The following USP2 variants were observed in gnomAD, a reference collection of about 807,000 sequenced individuals.
The protein encoded by USP2 is ubiquitin specific peptidase 2.
USP2 carries 33 observed loss-of-function variants against 72.0 expected under a neutral mutation model. The ratio of observed to expected loss-of-function variants is 0.46; its 90% CI spans 0.35 to 0.61. The LOEUF (loss-of-function observed/expected upper bound fraction) is 0.61, where lower values mean the gene tolerates loss of function less well. USP2 is among the 20% of genes least tolerant of loss of function. USP2 has a pLI of 0.01. For synonymous variants in USP2, 296 were observed against 312.5 expected, an observed-to-expected ratio of 0.95 and a Z score of 0.56; for missense variants, 691 against 797.8, an observed-to-expected ratio of 0.87 and a Z score of 1.61.
At chr11:119,362,649 A>G (rs1175961380) in intron 2 of USP2, among the ~76,000 whole-genome samples, 1 of 152,212 alleles carries the variant, frequency 6.6e-6, no homozygotes, top group Non-Finnish European at 1.5e-5. Flanking sequence ...ATGTCCCCAG[A>G]GTGACCTTTC....
In USP2 at chr11:119,358,209, A is replaced by G. The variant is rs776007280; in HGVS notation, c.1281T>C (p.Asp427=). 2 of 1,613,890 alleles carry G rather than the reference A, an allele frequency of 1.2e-6. No homozygotes were observed. Among genetic ancestry groups the G allele is most frequent in the Middle Eastern group, 1.7e-4 (1 of 5,818 alleles). ...GQLKSSLTCT[D]CGYCSTVFDP... is the part of the protein sequence containing the mutation. ...CGAAGACCGTAGAACAGTAACCACA[A>G]TCTGTACACGTCAGCGAGCTCTTTA... Residue 427 remains aspartate, a synonymous_variant, in exon 8 of 13, where the codon GAT becomes GAC. Transcript: ENST00000260187.
chr11:119,370,971 A>T (rs1950918352), intron 2 of USP2, among the ~76,000 whole-genome samples: 1 of 152,168 alleles, frequency 6.6e-6, no homozygotes, highest in Non-Finnish European at 1.5e-5. Flanking sequence ...TCTGATCCCC[A>T]GTAAAGGGGA....
intron 1 of USP2, among the ~76,000 whole-genome samples, chr11:119,381,185 C>T (rs1488605392): frequency 2.6e-5 from 4 of 152,048 alleles, no homozygotes. Context: ...GCTCAGGCCA[C>T]ATACCACCGA....
At chr11:119,366,487 T>G (rs572210954) in intron 2 of USP2, among the ~76,000 whole-genome samples, 28 of 152,358 alleles carry the variant, frequency 1.8e-4, no homozygotes, top group African/African-American at 6.3e-4. Flanking sequence ...TGTTAATCTA[T>G]CTTAATATGT....
chr11:119,358,930 C>T, intron 6 of USP2, 93 bp from the exon 7 acceptor site: 1 of 1,589,408 alleles, frequency 6.3e-7, no homozygotes, highest in Non-Finnish European at 8.6e-7. Context: ...AAAAGTAAAT[C>T]AGATTATTCC....
intron 1 of USP2, among the ~76,000 whole-genome samples, chr11:119,375,171 C>T (rs1387303916): frequency 6.6e-6 from 1 of 152,242 alleles, no homozygotes; most frequent in Non-Finnish European, 1.5e-5. Flanking sequence ...TCAGCAGACA[C>T]TGGCTTGGCA....
intron 12 of USP2, 119 bp from the exon 13 acceptor site, chr11:119,357,041 C>A: frequency 1.5e-6 from 2 of 1,376,650 alleles, no homozygotes; most frequent in Non-Finnish European, 9.8e-7. Context: ...CCACGGGCAG[C>A]GGCTTCGTGG....
At chr11:119,365,883 T>C (rs1008663895) in intron 2 of USP2, among the ~76,000 whole-genome samples, 1 of 147,036 alleles carries the variant, frequency 6.8e-6, no homozygotes, top group African/African-American at 2.5e-5. Context: ...CTATTACCTC[T>C]ATTTTATTTG....
chr11:119,370,148 C>A (rs1225348963), intron 2 of USP2, among the ~76,000 whole-genome samples: 5 of 152,130 alleles, frequency 3.3e-5, no homozygotes, highest in Non-Finnish European at 7.3e-5. Context: ...GCACTCCAAC[C>A]TGAGTGAGAC....
chr11:119,357,238 G>A lies in USP2; in HGVS notation c.1679C>T (p.Ala560Val), dbSNP rs1360975051. 1 of 1,613,844 alleles carries A rather than the reference G, an allele frequency of 6.2e-7. No individual in the cohort carries two copies. The highest frequency in any genetic ancestry group is 8.5e-7 in the Non-Finnish European group (1 of 1,179,990). ...SGTTMGGHYT[A>V]YCRSPGTGEW... ...TCCTGTCCCTGGACTGCGACAGTAGGCTGTATAGTGGCCACCCATGGTGGT... is the reference window on the plus strand; with the variant it reads ...TCCTGTCCCTGGACTGCGACAGTAGACTGTATAGTGGCCACCCATGGTGGT... Residue 560 changes from alanine to valine, a missense_variant, in exon 12 of 13, where the codon GCC becomes GTC. Coordinates refer to ENST00000260187, the MANE Select transcript of USP2 (RefSeq NM_004205.5).
intron 12 of USP2, 71 bp downstream of exon 12, chr11:119,357,116 G>A: frequency 6.7e-7 from 1 of 1,498,136 alleles, no homozygotes; most frequent in South Asian, 1.2e-5. Context: ...GTGGGTTTGG[G>A]GGGAGGGTGG....
At chr11:119,377,038 TTAAA>T (rs1236913111) in intron 1 of USP2, among the ~76,000 whole-genome samples, 5 of 152,232 alleles carry the variant, frequency 3.3e-5, no homozygotes, top group Non-Finnish European at 7.3e-5. Context: ...TACAAGAAAT[TTAAA>T]TATGGAAACT....
rs1652024 is a variant in USP2 at position 119,371,846 on chromosome 11, C to G, written c.774+861G>C. Among the ~76,000 whole-genome samples the G allele has an allele frequency of 2.9e-4, 44 of 152,190 alleles. No homozygotes were observed. The South Asian group carries it at 6.4e-3, about 22-fold the overall frequency. On this transcript the variant is annotated intron_variant, in intron 2 of 12. Transcript: ENST00000260187. Reference sequence around the variant, plus strand: ...CACACATCCATCCATCCATTCATCCCTGCAATCAGCAGGTCAGCCCCCATT... The same window carrying G: ...CACACATCCATCCATCCATTCATCCGTGCAATCAGCAGGTCAGCCCCCATT...
intron 2 of USP2, among the ~76,000 whole-genome samples, chr11:119,363,398 T>C (rs909996123): frequency 2.6e-5 from 4 of 152,160 alleles, no homozygotes; most frequent in African/African-American, 4.8e-5. Flanking sequence ...TCACCAACCC[T>C]TGGGAAAGAG....
chr11:119,373,756 C>T (rs1950966475), intron 1 of USP2, among the ~76,000 whole-genome samples: 1 of 152,170 alleles, frequency 6.6e-6, no homozygotes, highest in African/African-American at 2.4e-5. Context: ...ATATGCCACA[C>T]AGGAAGTCAG....
rs1177271711 is a variant in USP2, at chr11:119,355,371, G to GT, written c.*1463dup. 6.6e-6 allele frequency: 1 copy of GT among 152,262 alleles called. No homozygotes were observed. Among genetic ancestry groups the GT allele is most frequent in the African/African-American group, 2.4e-5 (1 of 41,462 alleles). The allele number at this position is 152,262 out of a possible 1,614,324, so 9.4% of individuals were successfully genotyped here. A position where few individuals can be genotyped will look rare whatever the true frequency, so the allele number is the denominator to read the frequency against. ...GGGTGTCAGGCCAGTAAAACTCAGG[G>GT]TGTCTTTCTCTGATGCCTCCTCCTA... On this transcript the variant is annotated 3_prime_UTR_variant, in exon 13 of 13. Transcript: ENST00000260187.
In USP2 at chr11:119,372,826, G is replaced by A. The variant is rs201978255; in HGVS notation, c.655C>T (p.Arg219Ter). The A allele has an allele frequency of 3.7e-5, 60 of 1,607,722 alleles. No individual in the cohort carries two copies. The highest frequency in any genetic ancestry group is 6.7e-5 in the African/African-American group (5 of 74,804). The change falls in exon 2 of 13, where the codon CGA becomes TGA. Residue 219 changes from arginine (R) to a stop codon, truncating the protein, a stop_gained. Transcript: ENST00000260187. LOFTEE classifies it high-confidence loss of function. ...GTTGGGCTGATGATTTCAGGGACTC[G>A]TGAGGGAGGGGCCTGGGAGGGCACC... is the stretch of plus-strand genomic sequence containing the variant. ...SQVPSQAPPS[R>*]VPEIISPTYR...
At chr11:119,374,121 A>G (rs938553345) in intron 1 of USP2, among the ~76,000 whole-genome samples, 2 of 152,160 alleles carry the variant, frequency 1.3e-5, no homozygotes, top group African/African-American at 4.8e-5. Flanking sequence ...TGAGCATGCA[A>G]CAATGAGGGG....
Position 119,356,574 on chromosome 11 carries a change from T to G in USP2, c.*261A>C. 2.0e-6 allele frequency: 1 copy of G among 491,140 alleles called. No individual in the cohort carries two copies. The highest frequency in any genetic ancestry group is 3.6e-6 in the Non-Finnish European group (1 of 278,480). 30.4% of individuals were successfully genotyped at this position (491,140 alleles called of 1,614,324 possible). ...TTCTGACACATAGGAAGACCACAAGTTTACAAATGCAAACGCCGAGGGCAC... is the reference window on the plus strand; with the variant it reads ...TTCTGACACATAGGAAGACCACAAGGTTACAAATGCAAACGCCGAGGGCAC... On this transcript the variant is annotated 3_prime_UTR_variant, in exon 13 of 13. Transcript: ENST00000260187.
Sources: allele counts gnomAD v4.1 joint callset (sites outside exome capture counted in the v4.1 genomes callset), GRCh38; gene constraint gnomAD v4.1.1; transcripts MANE v1.5; gene names NCBI Gene and HGNC (gene_info 2026-07-23, HGNC 2026-07-21).